The following B4GALNT4 variants were observed in gnomAD, a reference collection of about 807,000 sequenced individuals.
B4GALNT4 encodes the protein N-acetyl-beta-glucosaminyl-glycoprotein 4-beta-N-acetylgalactosaminyltransferase 1.
Under a neutral mutation model 110.0 loss-of-function variants are expected in B4GALNT4, and 77 were observed. The ratio of observed to expected loss-of-function variants is 0.70; its 90% CI spans 0.58 to 0.85. The LOEUF (loss-of-function observed/expected upper bound fraction) is 0.85. B4GALNT4 is among the 40% of genes least tolerant of loss of function. B4GALNT4 has a pLI of 0.00. For missense variants in B4GALNT4, 1,575 were observed against 1,506.0 expected, an observed-to-expected ratio of 1.05 and a Z score of -0.76; for synonymous variants, 785 against 655.5, an observed-to-expected ratio of 1.20 and a Z score of -3.02.
chr11:380,018 CG>C lies in B4GALNT4; in HGVS notation c.2642+1del. On this transcript the variant is annotated frameshift_variant and splice_region_variant, in exon 16 of 20. Transcript: ENST00000329962. LOFTEE classifies it high-confidence loss of function. ...ERALRAARLP[R>X]YQYLRRTGNF... The stretch of plus-strand genomic sequence containing the variant: ...GGCCCTGCGCGCCGCGCGCCTGCCC[CG>C]GTAACGACCCCTACTTCCACCTGGG... 1 of 1,611,586 alleles carries C rather than the reference CG, an allele frequency of 6.2e-7. No individual in the cohort carries two copies. The highest frequency in any genetic ancestry group is 2.2e-5 in the East Asian group (1 of 44,834).
At chr11:370,675 G>A (rs1846601239) in intron 1 of B4GALNT4, among the ~76,000 whole-genome samples, 1 of 152,180 alleles carries the variant, frequency 6.6e-6, no homozygotes, top group Admixed American at 6.5e-5. Context: ...AAGCCTGGCG[G>A]TGGGGTTGGG....
At chr11:381,141 C>A in intron 19 of B4GALNT4, 190 bp downstream of exon 19, 1 of 984,980 alleles carries the variant, frequency 1.0e-6, no homozygotes, top group Non-Finnish European at 1.2e-6. Flanking sequence ...CCCTGTCCCA[C>A]CCCCAGGGTC....
intron 8 of B4GALNT4, 137 bp from the exon 9 acceptor site, chr11:375,324 C>A: frequency 2.2e-6 from 2 of 902,236 alleles, no homozygotes; most frequent in Non-Finnish European, 3.6e-6. Context: ...ACGCCCCGGA[C>A]CCCTCTGCCA....
chr11:375,621 G>C lies in B4GALNT4; in HGVS notation c.851-18G>C. ...GAGGAGGGGGTCTGAGCACTCCCTGGAACTCTTCTGCCCCCAGATGAGTCA... is the reference window on the plus strand; with the variant it reads ...GAGGAGGGGGTCTGAGCACTCCCTGCAACTCTTCTGCCCCCAGATGAGTCA... On this transcript the variant is annotated intron_variant, in intron 9 of 19. Transcript: ENST00000329962. 1.3e-6 allele frequency: 2 copies of C among 1,593,744 alleles called. No homozygotes were observed. Among genetic ancestry groups the C allele is most frequent in the East Asian group, 2.2e-5 (1 of 44,660 alleles).
At chr11:377,815 G>A (rs998631163) in intron 14 of B4GALNT4, among the ~76,000 whole-genome samples, 1 of 152,234 alleles carries the variant, frequency 6.6e-6, no homozygotes, top group African/African-American at 2.4e-5. Flanking sequence ...GAAGGTGCAG[G>A]GCTTCTGCCC....
In B4GALNT4 at chr11:379,494, C is replaced by T. The variant is rs1156434109; in HGVS notation, c.2281C>T (p.Leu761=). ...GCGAGGGAGTCGCTTCCTGCTGGAGCTGGAGCTGCAGGAGCGCGGGGGCGG... is the reference window on the plus strand; with the variant it reads ...GCGAGGGAGTCGCTTCCTGCTGGAGTTGGAGCTGCAGGAGCGCGGGGGCGG... The part of the protein sequence containing the change: ...SARGSRFLLE[L]ELQERGGGRL... The change falls in exon 15 of 20, where the codon CTG becomes TTG. Residue 761 remains leucine, a synonymous_variant. Transcript: ENST00000329962. 1 of 1,575,598 alleles carries T rather than the reference C, an allele frequency of 6.3e-7. No individual in the cohort carries two copies. Among genetic ancestry groups the T allele is most frequent in the East Asian group, 2.3e-5 (1 of 43,398 alleles).
chr11:376,349 A>C lies in B4GALNT4; in HGVS notation c.1295A>C (p.Asp432Ala), dbSNP rs750803466. The C allele has an allele frequency of 3.9e-5, 62 of 1,607,496 alleles. No individual in the cohort carries two copies. The highest frequency in any genetic ancestry group is 4.9e-5 in the Non-Finnish European group (58 of 1,177,372). Reference sequence around the variant, plus strand: ...CGAGCCTTCCTCTTCCTCAACCCGGACGGTGAGTGTCCGCAGCGCCCCTGG... The same window carrying C: ...CGAGCCTTCCTCTTCCTCAACCCGGCCGGTGAGTGTCCGCAGCGCCCCTGG... ...QRRAFLFLNPDDFLDDEDEGE... is the reference protein window; with the variant it reads ...QRRAFLFLNPADFLDDEDEGE... The change falls in exon 13 of 20, where the codon GAC becomes GCC. Residue 432 changes from aspartate to alanine, a missense_variant and splice_region_variant. Transcript: ENST00000329962.
At chr11:380,737 C>T in intron 18 of B4GALNT4, 88 bp from the exon 19 acceptor site, 3 of 1,602,062 alleles carry the variant, frequency 1.9e-6, no homozygotes, top group Non-Finnish European at 2.6e-6. Context: ...GGCACCTGAC[C>T]CCTCCCGAGG....
rs199945092 is a variant in B4GALNT4, at chr11:380,430, C to T, written c.2854C>T (p.Pro952Ser). 1.2e-6 allele frequency: 2 copies of T among 1,602,664 alleles called. No homozygotes were observed. The highest frequency in any genetic ancestry group is 1.3e-5 in the African/African-American group (1 of 74,652). ...VVMRLSCGSS[P>S]RDPHGYWEVN... ...CATGCGCCTGAGCTGCGGGAGCTCG[C>T]CCCGGGACCCCCACGGTGAGGCCCC... Residue 952 changes from proline to serine, a missense_variant, in exon 18 of 20, where the codon CCC (proline) becomes TCC (serine). Pro to Ser is a moderately conservative substitution (Grantham distance 74). Coordinates refer to ENST00000329962, the MANE Select transcript of B4GALNT4 (RefSeq NM_178537.5).
chr11:376,821 G>A lies in B4GALNT4; in HGVS notation c.1698G>A (p.Arg566=). The change falls in exon 14 of 20, where the codon CGG becomes CGA. Residue 566 remains arginine (R), a synonymous_variant. Transcript: ENST00000329962. ...HPRPLPRVQL[R]APPRPPRPHG... ...GGCCTCTGCCCAGAGTGCAGCTGCG[G>A]GCGCCCCCACGCCCACCCCGGCCCC... 7.4e-7 allele frequency: 1 copy of A among 1,354,588 alleles called. No homozygotes were observed. The highest frequency in any genetic ancestry group is 9.5e-7 in the Non-Finnish European group (1 of 1,051,772). The allele number at this position is 1,354,588 out of a possible 1,614,324, so 83.9% of individuals were successfully genotyped here.
In B4GALNT4 at chr11:375,858, G is replaced by T; in HGVS notation, c.997G>T (p.Glu333Ter). The T allele has an allele frequency of 6.2e-7, 1 of 1,610,280 alleles. No homozygotes were observed. Among genetic ancestry groups the T allele is most frequent in the Non-Finnish European group, 8.5e-7 (1 of 1,179,214 alleles). Reference sequence around the variant, plus strand: ...CGCACCTCCTGCAGCTCCACGCATGGAATCTTCGAGCCTGGAGAACGTGCT... The same window carrying T: ...CGCACCTCCTGCAGCTCCACGCATGTAATCTTCGAGCCTGGAGAACGTGCT... ...RDTFFLTPRM[E>*]SSSLENVLEP... Residue 333 changes from glutamate (E) to a stop codon, truncating the protein, a stop_gained, in exon 11 of 20, where the codon GAA becomes TAA. Coordinates refer to ENST00000329962, the MANE Select transcript of B4GALNT4 (RefSeq NM_178537.5). LOFTEE classifies it high-confidence loss of function.
intron 2 of B4GALNT4, 103 bp downstream of exon 2, chr11:372,315 G>C: frequency 9.4e-7 from 1 of 1,065,024 alleles, no homozygotes; most frequent in Non-Finnish European, 1.4e-6. Context: ...GGACGCAGCA[G>C]GGGGCATGAG....
chr11:373,862 A>G (rs1446323438), intron 8 of B4GALNT4, 34 bp downstream of exon 8: 9 of 1,595,598 alleles, frequency 5.6e-6, no homozygotes, highest in Non-Finnish European at 8.6e-7. Context: ...GCTTCTGGAG[A>G]CTCCACTCCC....
chr11:381,022 G>T, intron 19 of B4GALNT4, 71 bp downstream of exon 19: 1 of 1,552,162 alleles, frequency 6.4e-7, no homozygotes, highest in South Asian at 1.2e-5. Context: ...TGGGGAAGGG[G>T]GATTTATGCC....
chr11:373,880 C>T (rs372194283), intron 8 of B4GALNT4, 52 bp downstream of exon 8: 3 of 1,566,980 alleles, frequency 1.9e-6, no homozygotes, highest in African/African-American at 2.7e-5. Context: ...CCCCCCACCT[C>T]CCTGCAGGAC....
chr11:380,932 G>T lies in B4GALNT4; in HGVS notation c.2977G>T (p.Asp993Tyr). Residue 993 changes from aspartate (D) to tyrosine (Y), a missense_variant, in exon 19 of 20, where the codon GAC becomes TAC. By Grantham distance (160) the Asp-to-Tyr change is radical. Transcript: ENST00000329962. ...GTTCCGAGACCAGTGGGGGGGTGAA[G>T]ACTGGGAGCTCCTGGACAGGTGACC... ...EEFRDQWGGE[D>Y]WELLDRVLQA... The T allele has an allele frequency of 2.5e-6, 4 of 1,613,146 alleles. No homozygotes were observed. Among genetic ancestry groups the T allele is most frequent in the Non-Finnish European group, 3.4e-6 (4 of 1,179,614 alleles).
chr11:369,765 C>CG lies in B4GALNT4; in HGVS notation c.-38dup. ...GGGCGGGGGCCGGGGGCTGCAGCGG[C>CG]GCCGCTGAGCGCGGCCTGGGGCGGG... is the stretch of plus-strand genomic sequence containing the variant. On this transcript the variant is annotated 5_prime_UTR_variant, in exon 1 of 20. An upstream open reading frame in the 5' UTR gains an earlier in-frame stop. Coordinates refer to ENST00000329962, the MANE Select transcript of B4GALNT4 (RefSeq NM_178537.5). The CG allele has an allele frequency of 3.1e-6, 3 of 952,992 alleles. No homozygotes were observed. Among genetic ancestry groups the CG allele is most frequent in the Non-Finnish European group, 3.7e-6 (3 of 805,154 alleles). 59.0% of individuals were successfully genotyped at this position (952,992 alleles called of 1,614,324 possible). A position where few individuals can be genotyped will look rare whatever the true frequency, so the allele number is the denominator to read the frequency against.
Position 380,307 on chromosome 11 carries a change from G to T in B4GALNT4, c.2731G>T (p.Val911Leu). The T allele has an allele frequency of 6.2e-7, 1 of 1,613,224 alleles. No individual in the cohort carries two copies. ...VDAVEDASSI[V>L]FLCDLHIHFP... ...CACCCCCCAGGACGCCAGCAGCATC[G>T]TGTTCCTCTGCGACCTGCACATCCA... Residue 911 changes from valine to leucine, a missense_variant, in exon 18 of 20, where the codon GTG becomes TTG. Val to Leu is a conservative substitution (Grantham distance 32). Transcript: ENST00000329962.
intron 14 of B4GALNT4, among the ~76,000 whole-genome samples, chr11:378,714 A>G (rs1025043503): frequency 4.6e-5 from 7 of 151,964 alleles, no homozygotes; most frequent in African/African-American, 1.7e-4. Flanking sequence ...AGGGAAACTG[A>G]GGTTCTTGGC....
Sources: gnomAD v4.1 joint callset for allele counts (sites outside exome capture counted in the v4.1 genomes callset) on GRCh38, gnomAD v4.1.1 for gene constraint, MANE v1.5 for transcripts, NCBI Gene and HGNC (gene_info 2026-07-23, HGNC 2026-07-21) for gene names.